The following MTMR8 variants were observed in gnomAD, a reference collection of about 807,000 sequenced individuals.
MTMR8 encodes myotubularin related protein 8.
Under a neutral mutation model 39.3 loss-of-function variants are expected in MTMR8, and 65 were observed. The ratio of observed to expected loss-of-function variants is 1.65; its 90% CI spans 1.35 to 2.03. The LOEUF is 2.03. MTMR8 is among the 30% of genes most tolerant of loss of function. The pLI is 0.00. For missense variants in MTMR8, 777 were observed against 538.9 expected (o/e 1.44, Z -4.37); for synonymous variants, 245 against 185.2 (o/e 1.32, Z -2.62).
intron 12 of MTMR8, among the ~76,000 whole-genome samples, chrX:64,278,887 T>C (rs1484658898): frequency 9.0e-6 from 1 of 111,670 alleles, no homozygotes; most frequent in Non-Finnish European, 1.9e-5. Flanking sequence ...TGCCTGGTTA[T>C]CACCAGTGGA....
intron 1 of MTMR8, among the ~76,000 whole-genome samples, chrX:64,382,627 C>A (rs1924458216): frequency 9.0e-6 from 1 of 111,421 alleles, no homozygotes; most frequent in South Asian, 3.8e-4. Context: ...CTGGTCAGAA[C>A]TTCCAACACT....
At chrX:64,345,782 T>A (rs1457611720) in intron 6 of MTMR8, among the ~76,000 whole-genome samples, 1 of 111,061 alleles carries the variant, frequency 9.0e-6, no homozygotes, top group Middle Eastern at 4.2e-3. Context: ...CTGGCTAATT[T>A]TTTTTACAAA....
chrX:64,300,966 C>T (rs1370517687), intron 12 of MTMR8, among the ~76,000 whole-genome samples: 6 of 108,578 alleles, frequency 5.5e-5, no homozygotes, highest in Admixed American at 9.8e-5. Context: ...TGATGGGCTT[C>T]CCTTTGAGGG....
chrX:64,344,898 G>A, intron 7 of MTMR8, 147 bp downstream of exon 7: 1 of 529,904 alleles, frequency 1.9e-6, no homozygotes, highest in Non-Finnish European at 2.9e-6. Context: ...ATTTAAGCTA[G>A]ATTTGTACAA....
At chrX:64,293,994 G>C (rs1394379957) in intron 12 of MTMR8, among the ~76,000 whole-genome samples, 1 of 111,568 alleles carries the variant, frequency 9.0e-6, no homozygotes, top group Non-Finnish European at 1.9e-5. Context: ...TCCCCTACCA[G>C]GGCAGGTGGT....
At chrX:64,386,161 C>G (rs192272449) in intron 1 of MTMR8, among the ~76,000 whole-genome samples, 3 of 111,491 alleles carry the variant, frequency 2.7e-5, no homozygotes, top group African/African-American at 9.8e-5. Flanking sequence ...TTCTGTTTTC[C>G]GGTTCCCACC....
At chrX:64,332,606 G>A (rs1382268843) in intron 10 of MTMR8, among the ~76,000 whole-genome samples, 1 of 111,586 alleles carries the variant, frequency 9.0e-6, no homozygotes, top group African/African-American at 3.3e-5. Context: ...TATGGGTCAT[G>A]CTATTTAGCT....
intron 1 of MTMR8, among the ~76,000 whole-genome samples, chrX:64,386,122 C>T (rs1480820363): frequency 9.0e-6 from 1 of 111,356 alleles, no homozygotes. Flanking sequence ...CCTGAAGTAA[C>T]CTCATGTTAA....
rs775944997 is a variant in MTMR8 at position 64,328,753 on chromosome X, G to GA, written c.1481+18dup. The GA allele has an allele frequency of 1.9e-5, 22 of 1,142,170 alleles. No homozygotes were observed. The Admixed American group carries it at 3.1e-4, about 16-fold the overall frequency. The allele number at this position is 1,142,170 out of a possible 1,213,427, so 94.1% of individuals were successfully genotyped here. ...CTGGGACCTGCTATAAGAAAGGAGG[G>GA]AAAAACTTAAGAACTTACTGAATGT... On this transcript the variant is annotated intron_variant, in intron 12 of 13. Coordinates refer to ENST00000374852, the MANE Select transcript of MTMR8 (RefSeq NM_017677.4).
In MTMR8 at chrX:64,271,118, G is replaced by C. The variant is rs2147124188; in HGVS notation, c.1482-45C>G. ...GGGGAAAAGTGGGTTAGTTTAGCTG[G>C]AGTAATTGATTACCAATGTTTTCCT... is the stretch of plus-strand genomic sequence containing the variant. On this transcript the variant is annotated intron_variant, in intron 12 of 13. Transcript: ENST00000374852. 4.5e-6 allele frequency: 5 copies of C among 1,119,095 alleles called. No individual in the cohort carries two copies. The East Asian group carries it at 1.3e-4, about 29-fold the overall frequency. 92.2% of individuals were successfully genotyped at this position (1,119,095 alleles called of 1,213,427 possible).
chrX:64,277,068 C>A (rs1369732303), intron 12 of MTMR8, among the ~76,000 whole-genome samples: 2 of 111,388 alleles, frequency 1.8e-5, no homozygotes, highest in African/African-American at 3.3e-5. Context: ...AGGATTGCAA[C>A]CCCTGCTTTT....
chrX:64,287,218 C>T (rs1233856979), intron 12 of MTMR8, among the ~76,000 whole-genome samples: 1 of 111,157 alleles, frequency 9.0e-6, no homozygotes, highest in Admixed American at 9.6e-5. Flanking sequence ...TTCACAATTG[C>T]TTCAAAGAGA....
At chrX:64,320,002 C>G (rs1424321182) in intron 12 of MTMR8, among the ~76,000 whole-genome samples, 2 of 111,054 alleles carry the variant, frequency 1.8e-5, no homozygotes, top group African/African-American at 6.6e-5. Context: ...GGCAGTATGG[C>G]CATTTTCACG....
At chrX:64,367,989 G>T (rs1924023571) in intron 1 of MTMR8, among the ~76,000 whole-genome samples, 1 of 111,729 alleles carries the variant, frequency 9.0e-6, no homozygotes, top group Admixed American at 9.5e-5. Flanking sequence ...CAAATCATGA[G>T]TGAACTCACA....
At chrX:64,287,489 A>T (rs1921227725) in intron 12 of MTMR8, among the ~76,000 whole-genome samples, 1 of 111,387 alleles carries the variant, frequency 9.0e-6, no homozygotes, top group Non-Finnish European at 1.9e-5. Flanking sequence ...GGAACCAAAA[A>T]AAGAGCCCGC....
At chrX:64,269,682 G>T (rs1931714449) in intron 13 of MTMR8, among the ~76,000 whole-genome samples, 1 of 110,788 alleles carries the variant, frequency 9.0e-6, no homozygotes, top group Admixed American at 9.5e-5. Flanking sequence ...CTTCTCTTCA[G>T]AAAAATGCAT....
chrX:64,319,216 A>G (rs933939398), intron 12 of MTMR8, among the ~76,000 whole-genome samples: 2 of 112,507 alleles, frequency 1.8e-5, no homozygotes, highest in Admixed American at 9.4e-5. Flanking sequence ...AAACTATAAG[A>G]ATAAACATTT....
At chrX:64,357,254 C>T (rs1923650464) in intron 2 of MTMR8, among the ~76,000 whole-genome samples, 1 of 111,290 alleles carries the variant, frequency 9.0e-6, no homozygotes, top group African/African-American at 3.3e-5. Context: ...GACTCCCTGT[C>T]CTGTGCCTGG....
intron 12 of MTMR8, chrX:64,305,950 A>T (rs1354434924): frequency 4.9e-6 from 1 of 203,411 alleles, no homozygotes; most frequent in East Asian, 1.2e-4. Context: ...CCCTGTCTCT[A>T]CAAACAATTT....
Sources: gnomAD v4.1 joint callset for allele counts (sites outside exome capture counted in the v4.1 genomes callset) on GRCh38, gnomAD v4.1.1 for gene constraint, MANE v1.5 for transcripts, NCBI Gene and HGNC (gene_info 2026-07-23, HGNC 2026-07-21) for gene names.